LRP4: variants seen among roughly 807,000 people sequenced by gnomAD.
LRP4 encodes low-density lipoprotein receptor-related protein 4.
In LRP4, 95 loss-of-function variants were observed where a neutral mutation model predicts 220.3. That is an observed-to-expected ratio of 0.43 (90% confidence interval 0.37 to 0.51). LRP4 has a LOEUF of 0.51. Among genes scored for constraint, LRP4 ranks in the 20% least tolerant of loss-of-function variants. LRP4 has a pLI of 0.00. For synonymous variants in LRP4, 903 were observed against 954.6 expected (o/e 0.95, Z 1.00); for missense variants, 1,925 against 2,567.0 (o/e 0.75, Z 5.40).
chr11:46,904,128 AG>A (rs1941719194), intron 1 of LRP4, among the ~76,000 whole-genome samples: 1 of 152,122 alleles, frequency 6.6e-6, no homozygotes, highest in Admixed American at 6.5e-5. Flanking sequence ...CTGGGGAAGG[AG>A]GGGGCCGCAG....
chr11:46,892,276 T>G (rs1941439848), intron 13 of LRP4, among the ~76,000 whole-genome samples: 1 of 152,200 alleles, frequency 6.6e-6, no homozygotes, highest in Admixed American at 6.5e-5. Flanking sequence ...ACAATTCTTA[T>G]GAATTACTAA....
intron 31 of LRP4, 79 bp from the exon 32 acceptor site, chr11:46,869,211 C>T: frequency 1.5e-6 from 2 of 1,356,024 alleles, no homozygotes; most frequent in African/African-American, 1.4e-5. Context: ...CTGTGCCTCA[C>T]CATGTGCCAC....
At chr11:46,869,252 T>C (rs956510279) in intron 31 of LRP4, 120 bp from the exon 32 acceptor site, 2 of 929,410 alleles carry the variant, frequency 2.2e-6, no homozygotes, top group African/African-American at 3.3e-5. Context: ...CTTCATCTCT[T>C]CCTCATTTCT....
In LRP4 at chr11:46,875,441, C is replaced by G; in HGVS notation, c.3925+15G>C. ...CAGAGGCTCTGACTCACAGCCCCAG[C>G]CCTCTGACTCTCACCTAGTGGCTGT... On this transcript the variant is annotated intron_variant, in intron 27 of 37. Transcript: ENST00000378623. The surrounding 1 kb of genome is among the most constrained non-coding windows in gnomAD (Gnocchi z 4.5). 1 of 1,609,018 alleles carries G rather than the reference C, an allele frequency of 6.2e-7. No individual in the cohort carries two copies. The highest frequency in any genetic ancestry group is 1.1e-5 in the South Asian group (1 of 90,964).
Position 46,868,081 on chromosome 11 carries a change from G to T in LRP4, c.4985C>A (p.Thr1662Asn). Residue 1662 changes from threonine (T) to asparagine (N), a missense_variant, in exon 34 of 38, where the codon ACT (threonine) becomes AAT (asparagine). Thr to Asn is a moderately conservative substitution (Grantham distance 65). Coordinates refer to ENST00000378623, the MANE Select transcript of LRP4 (RefSeq NM_002334.4). ...PGLVPPAPRA[T>N]GMSEKSPVLP... ...CACTGGGCTCTTTTCACTCATGCCAGTAGCCCTAGGAGCTGGTGGTACCAG... is the reference window on the plus strand; with the variant it reads ...CACTGGGCTCTTTTCACTCATGCCATTAGCCCTAGGAGCTGGTGGTACCAG... 1 of 1,614,168 alleles carries T rather than the reference G, an allele frequency of 6.2e-7. No individual in the cohort carries two copies. The highest frequency in any genetic ancestry group is 8.5e-7 in the Non-Finnish European group (1 of 1,180,036).
chr11:46,896,384 A>C (rs1324347585), intron 8 of LRP4, 49 bp from the exon 9 acceptor site: 1 of 1,605,814 alleles, frequency 6.2e-7, no homozygotes, highest in Non-Finnish European at 8.5e-7. Context: ...TTGGGCCAAC[A>C]AAGAGATGGG....
chr11:46,890,631 A>T lies in LRP4; in HGVS notation c.1698-137T>A. ...GGTCCACAGAATGAATTTTTTTTTT[A>T]GACGGGGTCTCATTTTGTCACCCAG... On this transcript the variant is annotated intron_variant, in intron 13 of 37. Coordinates refer to ENST00000378623, the MANE Select transcript of LRP4 (RefSeq NM_002334.4). This position sits in a 1 kb window ranked among gnomAD's most constrained non-coding sequence, Gnocchi z 5.3. 3.0e-6 allele frequency: 2 copies of T among 668,950 alleles called. No individual in the cohort carries two copies. The highest frequency in any genetic ancestry group is 5.3e-6 in the Non-Finnish European group (2 of 377,586). The allele number at this position is 668,950 out of a possible 1,614,324, so 41.4% of individuals were successfully genotyped here.
intron 16 of LRP4, 111 bp downstream of exon 16, chr11:46,889,300 G>A (rs1592535601): frequency 2.1e-6 from 3 of 1,436,458 alleles, no homozygotes; most frequent in Non-Finnish European, 2.9e-6. Context: ...AGGGCTCCCT[G>A]AGGAATGTGG....
chr11:46,904,486 T>TGGATGGAA (rs1163089589), intron 1 of LRP4, among the ~76,000 whole-genome samples: 1 of 141,068 alleles, frequency 7.1e-6, no homozygotes, highest in Non-Finnish European at 1.5e-5. Flanking sequence ...AATGCATGGA[T>TGGATGGAA]GGATGGATGG....
intron 7 of LRP4, among the ~76,000 whole-genome samples, chr11:46,898,111 C>T (rs1468336424): frequency 7.1e-6 from 1 of 140,880 alleles, no homozygotes; most frequent in African/African-American, 2.7e-5. Flanking sequence ...CTGACCCCCC[C>T]ACCTCCCTCC....
chr11:46,860,742 T>C (rs1207952931), intron 37 of LRP4, among the ~76,000 whole-genome samples: 1 of 152,158 alleles, frequency 6.6e-6, no homozygotes, highest in Non-Finnish European at 1.5e-5. Context: ...GAGTGGGACA[T>C]AGCACACAAG....
rs1248006776 is a variant in LRP4, at chr11:46,858,154, T to C, written c.*829A>G. 2 of 152,432 alleles carry C rather than the reference T, an allele frequency of 1.3e-5. No individual in the cohort carries two copies. The highest frequency in any genetic ancestry group is 4.8e-5 in the African/African-American group (2 of 41,430). The allele number at this position is 152,432 out of a possible 1,614,324, so 9.4% of individuals were successfully genotyped here. ...CCTAACATTCACTCAAGCCACTGGCTCACAACCTGGTTAATTTGAGCAAAG... is the reference window on the plus strand; with the variant it reads ...CCTAACATTCACTCAAGCCACTGGCCCACAACCTGGTTAATTTGAGCAAAG... On this transcript the variant is annotated 3_prime_UTR_variant, in exon 38 of 38. Coordinates refer to ENST00000378623, the MANE Select transcript of LRP4 (RefSeq NM_002334.4).
intron 25 of LRP4, 36 bp downstream of exon 25, chr11:46,876,430 C>T (rs748030441): frequency 1.2e-6 from 2 of 1,612,748 alleles, no homozygotes; most frequent in East Asian, 2.2e-5. Context: ...TGAGCTGGCC[C>T]CCCACACTAC....
Position 46,874,869 on chromosome 11 carries a change from A to T in LRP4, c.4160T>A (p.Val1387Asp). ...VHVPVPELNN[V>D]ISLDYDSVDG... ...CACGCTGTCATAGTCCAGGGAGATG[A>T]CATTGTTGAGCTCAGGAACAGGGAC... is the stretch of plus-strand genomic sequence containing the variant. The change falls in exon 28 of 38, where the codon GTC becomes GAC. Residue 1387 changes from valine to aspartate, a missense_variant. Around this residue, in one of 3 missense-constraint regions of LRP4, gnomAD observed 1,244 missense variants for 1,624.9 expected, o/e 0.77. Transcript: ENST00000378623. The T allele has an allele frequency of 6.2e-7, 1 of 1,614,172 alleles. No homozygotes were observed. The highest frequency in any genetic ancestry group is 2.2e-5 in the East Asian group (1 of 44,888).
In LRP4 at chr11:46,899,572, A is replaced by C; in HGVS notation, c.431-69T>G. On this transcript the variant is annotated intron_variant, in intron 4 of 37. Transcript: ENST00000378623. This position sits in a 1 kb window ranked among gnomAD's most constrained non-coding sequence, Gnocchi z 5.9. ...GGCAACCCTCTCACCCTCCTCTCTG[A>C]CTCCCAACCTCACTGGCTTTGGCGG... The C allele has an allele frequency of 9.1e-7, 1 of 1,097,666 alleles. No individual in the cohort carries two copies. The highest frequency in any genetic ancestry group is 1.4e-6 in the Non-Finnish European group (1 of 720,024). The allele number at this position is 1,097,666 out of a possible 1,614,324, so 68.0% of individuals were successfully genotyped here. A position where few individuals can be genotyped will look rare whatever the true frequency, so the allele number is the denominator to read the frequency against.
At chr11:46,904,925 A>G (rs945937171) in intron 1 of LRP4, among the ~76,000 whole-genome samples, 6 of 136,308 alleles carry the variant, frequency 4.4e-5, no homozygotes, top group Non-Finnish European at 7.6e-5. Context: ...GCAGTGAGCC[A>G]TGATCTCACC....
intron 16 of LRP4, among the ~76,000 whole-genome samples, 160 bp from the exon 17 acceptor site, chr11:46,886,693 G>T (rs564446946): frequency 6.6e-6 from 1 of 152,300 alleles, no homozygotes; most frequent in Non-Finnish European, 1.5e-5. Flanking sequence ...TTTAAGCACT[G>T]CCATGCTAGC....
At chr11:46,907,596 G>A (rs1941783193) in intron 1 of LRP4, among the ~76,000 whole-genome samples, 1 of 152,120 alleles carries the variant, frequency 6.6e-6, no homozygotes, top group African/African-American at 2.4e-5. Flanking sequence ...TTTTATGTGT[G>A]GCCCAAGACA....
Position 46,858,701 on chromosome 11 carries a change from A to C in LRP4, c.*282T>G. The C allele has an allele frequency of 2.1e-6, 1 of 467,388 alleles. No individual in the cohort carries two copies. The highest frequency in any genetic ancestry group is 4.0e-6 in the Non-Finnish European group (1 of 252,094). 29.0% of individuals were successfully genotyped at this position (467,388 alleles called of 1,614,324 possible). The stretch of plus-strand genomic sequence containing the variant: ...GAGGTGGAGCTCTACGCTGGTGAGG[A>C]ATCACGAATAAGCAGTTTCAGGGGG... On this transcript the variant is annotated 3_prime_UTR_variant, in exon 38 of 38. Transcript: ENST00000378623.
Sources: gnomAD v4.1 joint callset for allele counts (sites outside exome capture counted in the v4.1 genomes callset) on GRCh38, gnomAD v4.1.1 for gene constraint, gnomAD v4.1.1 regional missense constraint, Gnocchi (gnomAD v3.1) non-coding constraint, MANE v1.5 for transcripts, NCBI Gene and HGNC (gene_info 2026-07-23, HGNC 2026-07-21) for gene names.